The following TSNARE1 variants were observed in gnomAD, a reference collection of about 807,000 sequenced individuals.
TSNARE1 encodes t-SNARE domain-containing protein 1.
In TSNARE1, 49 loss-of-function variants were observed where a neutral mutation model predicts 62.0. The ratio of observed to expected loss-of-function variants is 0.79; its 90% CI spans 0.63 to 1.00. The LOEUF (loss-of-function observed/expected upper bound fraction) is 1.00. Ranked by LOEUF, TSNARE1 falls within the 50% of genes least tolerant of loss-of-function variation. The pLI is 0.00. For missense variants in TSNARE1, 755 were observed against 700.1 expected, an observed-to-expected ratio of 1.08 and a Z score of -0.88; for synonymous variants, 328 against 294.4, an observed-to-expected ratio of 1.11 and a Z score of -1.17.
chr8:142,270,379 GCTTT>G (rs1288580425), intron 12 of TSNARE1: 14 of 985,208 alleles, frequency 1.4e-5, no homozygotes, highest in Non-Finnish European at 1.7e-5. Context: ...ACTGCTGCCT[GCTTT>G]GTCATTTTAT....
chr8:142,269,917 A>G, intron 12 of TSNARE1: 3 of 985,354 alleles, frequency 3.0e-6, no homozygotes, highest in Non-Finnish European at 3.6e-6. Flanking sequence ...CCAGGGGAAA[A>G]CGCAAAACGA....
At chr8:142,280,078 C>T in intron 11 of TSNARE1, 6 of 1,215,046 alleles carry the variant, frequency 4.9e-6, no homozygotes, top group Non-Finnish European at 6.2e-6. Flanking sequence ...CAGGATGCGG[C>T]TCCACACGCG....
chr8:142,273,994 G>T (rs1156581551), intron 12 of TSNARE1: 7 of 984,976 alleles, frequency 7.1e-6, no homozygotes, highest in Non-Finnish European at 8.4e-6. Context: ...CCCCTGCTCC[G>T]CCCTCAAGAG....
At chr8:142,222,044 TCCAC>T (rs200704884) in intron 13 of TSNARE1, among the ~76,000 whole-genome samples, 7 of 109,854 alleles carry the variant, frequency 6.4e-5, no homozygotes, top group Non-Finnish European at 1.9e-5. Context: ...CATCCACTCA[TCCAC>T]TCACTCACTC....
At chr8:142,249,164 C>A (rs990305454) in intron 12 of TSNARE1, among the ~76,000 whole-genome samples, 3 of 152,240 alleles carry the variant, frequency 2.0e-5, no homozygotes, top group African/African-American at 7.2e-5. Context: ...GGCTTGACCC[C>A]AATTTATAAC....
rs1819067213 is a variant in TSNARE1 at position 142,265,124 on chromosome 8, T to TTTTGTGTGTGTG, written c.1446+9656_1446+9657insCACACACACAAA. On this transcript the variant is annotated intron_variant, in intron 12 of 13. Transcript: ENST00000524325. Reference sequence around the variant, plus strand: ...GTTTCTTATTAACTTTCTACTCAGTTTGTGTGTGTGTGTAGTTCTATGAAA... The same window carrying TTTTGTGTGTGTG: ...GTTTCTTATTAACTTTCTACTCAGTTTTTGTGTGTGTGTGTGTGTGTGTGTAGTTCTATGAAA... 3.3e-5 allele frequency among the ~76,000 whole-genome samples: 5 copies of TTTTGTGTGTGTG among 151,096 alleles called. No homozygotes were observed. The South Asian group carries it at 1.0e-3, about 32-fold the overall frequency.
chr8:142,215,694 C>T (rs1316898988), intron 13 of TSNARE1, among the ~76,000 whole-genome samples: 1 of 152,166 alleles, frequency 6.6e-6, no homozygotes, highest in Non-Finnish European at 1.5e-5. Flanking sequence ...GGGCAGCAGC[C>T]TGGGAGGGAA....
intron 4 of TSNARE1, among the ~76,000 whole-genome samples, chr8:142,340,280 C>T (rs1305894716): frequency 1.3e-5 from 2 of 152,226 alleles, no homozygotes; most frequent in African/African-American, 4.8e-5. Context: ...CGTGTTTCCT[C>T]GTGATGGCAG....
chr8:142,364,260 G>A (rs960391222), intron 1 of TSNARE1, among the ~76,000 whole-genome samples: 9 of 152,102 alleles, frequency 5.9e-5, no homozygotes, highest in Middle Eastern at 3.2e-3. Flanking sequence ...GCATGTCCTC[G>A]TCATCCTACC....
At chr8:142,312,608 T>TC (rs1827771212) in intron 9 of TSNARE1, among the ~76,000 whole-genome samples, 1 of 152,190 alleles carries the variant, frequency 6.6e-6, no homozygotes, top group South Asian at 2.1e-4. Context: ...CTGAGGGTAC[T>TC]CCAATTTCTG....
At chr8:142,289,962 AG>A (rs1017461058) in intron 10 of TSNARE1, among the ~76,000 whole-genome samples, 2 of 152,148 alleles carry the variant, frequency 1.3e-5, no homozygotes, top group African/African-American at 4.8e-5. Context: ...GAGACAGAAG[AG>A]GGCCTCTCAG....
At chr8:142,288,492 C>T (rs1336612559) in intron 10 of TSNARE1, among the ~76,000 whole-genome samples, 1 of 152,270 alleles carries the variant, frequency 6.6e-6, no homozygotes, top group African/African-American at 2.4e-5. Flanking sequence ...CCGACACTCA[C>T]TACCACTGCC....
At chr8:142,392,797 G>A (rs866945866) in intron 1 of TSNARE1, among the ~76,000 whole-genome samples, 9 of 152,168 alleles carry the variant, frequency 5.9e-5, no homozygotes, top group African/African-American at 2.2e-4. Flanking sequence ...AAAATTAGCC[G>A]GGCATGGTGA....
intron 1 of TSNARE1, among the ~76,000 whole-genome samples, chr8:142,384,877 T>C (rs553177423): frequency 2.6e-5 from 4 of 152,144 alleles, no homozygotes; most frequent in Non-Finnish European, 5.9e-5. Context: ...AAGTACACTA[T>C]CAACAGACTG....
intron 9 of TSNARE1, among the ~76,000 whole-genome samples, chr8:142,311,116 C>G (rs935547590): frequency 7.9e-5 from 12 of 151,430 alleles, no homozygotes; most frequent in African/African-American, 2.7e-4. Context: ...TCCCAAAGTG[C>G]TGGGATTACA....
chr8:142,381,864 C>T (rs563085157), intron 1 of TSNARE1, among the ~76,000 whole-genome samples: 10 of 152,334 alleles, frequency 6.6e-5, no homozygotes, highest in South Asian at 2.1e-4. Flanking sequence ...AGGCAGCGCC[C>T]GCGGGTGCCG....
chr8:142,281,821 C>T (rs1821524802), intron 11 of TSNARE1, among the ~76,000 whole-genome samples: 1 of 141,134 alleles, frequency 7.1e-6, no homozygotes, highest in Non-Finnish European at 1.5e-5. Context: ...CCCTCCCTTG[C>T]CCCAGGTGAG....
intron 12 of TSNARE1, chr8:142,271,535 G>A (rs1426290810): frequency 7.3e-6 from 10 of 1,366,636 alleles, no homozygotes; most frequent in Admixed American, 3.4e-5. Context: ...TGTGGTTGCT[G>A]GTGGGGTGGA....
chr8:142,288,643 G>A (rs1260825943), intron 10 of TSNARE1, among the ~76,000 whole-genome samples: 4 of 152,268 alleles, frequency 2.6e-5, no homozygotes, highest in Non-Finnish European at 5.9e-5. Context: ...AACCTCACCA[G>A]CAACATGTCA....
Sources: allele counts gnomAD v4.1 joint callset (sites outside exome capture counted in the v4.1 genomes callset), GRCh38; gene constraint gnomAD v4.1.1; transcripts MANE v1.5; gene names NCBI Gene and HGNC (gene_info 2026-07-23, HGNC 2026-07-21).